The following CD2AP variants were observed in gnomAD, a reference collection of about 807,000 sequenced individuals.
CD2AP encodes the protein CD2-associated protein.
CD2AP carries 46 observed loss-of-function variants against 85.1 expected under a neutral mutation model. The ratio of observed to expected loss-of-function variants is 0.54; its 90% confidence interval spans 0.43 to 0.69. The LOEUF is 0.69. Among genes scored for constraint, CD2AP ranks in the 30% least tolerant of loss-of-function variants. The pLI is 0.00. For synonymous variants in CD2AP, 255 were observed against 252.9 expected, an observed-to-expected ratio of 1.01 and a Z score of -0.08; for missense variants, 769 against 729.5, an observed-to-expected ratio of 1.05 and a Z score of -0.62.
chr6:47,495,465 A>T (rs1379398164), intron 1 of CD2AP, among the ~76,000 whole-genome samples: 1 of 152,204 alleles, frequency 6.6e-6, no homozygotes, highest in Non-Finnish European at 1.5e-5. Flanking sequence ...TCGCCTCCCG[A>T]AAGAGGAGAA....
chr6:47,566,323 T>TATATATATATATATACAC lies in CD2AP; in HGVS notation c.542-7740_542-7739insTATATATATATATACACA. 2.8e-5 allele frequency among the ~76,000 whole-genome samples: 3 copies of TATATATATATATATACAC among 108,458 alleles called. No individual in the cohort carries two copies. The South Asian group carries it at 1.0e-3, about 38-fold the overall frequency. The allele number at this position is 108,458 out of a possible 152,430, so 71.2% of individuals were successfully genotyped here. A position where few individuals can be genotyped will look rare whatever the true frequency, so the allele number is the denominator to read the frequency against. On this transcript the variant is annotated intron_variant, in intron 5 of 17. Coordinates refer to ENST00000359314, the MANE Select transcript of CD2AP (RefSeq NM_012120.3). ...TAGAATATATATATATATATATATA[T>TATATATATATATATACAC]ACACATACACATATATATATATGTA...
At chr6:47,506,947 T>G (rs919279447) in intron 2 of CD2AP, among the ~76,000 whole-genome samples, 1 of 152,232 alleles carries the variant, frequency 6.6e-6, no homozygotes, top group African/African-American at 2.4e-5. Flanking sequence ...TGTGAGCTGT[T>G]TGATAGCATT....
At chr6:47,479,280 C>T (rs1177491540) in intron 1 of CD2AP, among the ~76,000 whole-genome samples, 3 of 152,192 alleles carry the variant, frequency 2.0e-5, no homozygotes, top group Admixed American at 6.5e-5. Flanking sequence ...AACAAACGAT[C>T]ACCGAAATGA....
chr6:47,555,207 A>G (rs1767647549), intron 5 of CD2AP, among the ~76,000 whole-genome samples: 1 of 152,150 alleles, frequency 6.6e-6, no homozygotes, highest in South Asian at 2.1e-4. Context: ...TCATTTAGTT[A>G]TTTTGTGATG....
intron 8 of CD2AP, among the ~76,000 whole-genome samples, chr6:47,578,289 C>G (rs1306845430): frequency 6.6e-6 from 1 of 151,490 alleles, no homozygotes; most frequent in Non-Finnish European, 1.5e-5. Context: ...CAGCCTTGAG[C>G]TCATGGGCAC....
At chr6:47,581,022 G>T in intron 10 of CD2AP, 122 bp downstream of exon 10, 2 of 731,814 alleles carry the variant, frequency 2.7e-6, no homozygotes, top group South Asian at 1.7e-5. Context: ...AACATTTTTA[G>T]AAATATATGA....
intron 14 of CD2AP, among the ~76,000 whole-genome samples, chr6:47,606,517 C>G (rs1275078532): frequency 2.6e-5 from 4 of 151,934 alleles, no homozygotes; most frequent in Admixed American, 6.6e-5. Flanking sequence ...CCACAGAGCA[C>G]AGGGTCAAAG....
chr6:47,478,304 C>G, intron 1 of CD2AP, 56 bp downstream of exon 1: 3 of 1,558,012 alleles, frequency 1.9e-6, no homozygotes, highest in Non-Finnish European at 2.6e-6. Context: ...CCCGGGGAGG[C>G]TGTGCCCTTT....
chr6:47,502,986 C>G (rs1766036749), intron 1 of CD2AP, among the ~76,000 whole-genome samples: 1 of 152,188 alleles, frequency 6.6e-6, no homozygotes, highest in Non-Finnish European at 1.5e-5. Context: ...ACCTCAGAGT[C>G]TGTCTGCTAC....
chr6:47,566,320 A>ATG lies in CD2AP; in HGVS notation c.542-7743_542-7742insGT, dbSNP rs1349903150. Among the ~76,000 whole-genome samples the ATG allele has an allele frequency of 1.3e-3, 172 of 130,704 alleles. 1 individual carries two copies. Among genetic ancestry groups the ATG allele is most frequent in the African/African-American group, 4.3e-3 (166 of 38,868 alleles). 85.7% of individuals were successfully genotyped at this position (130,704 alleles called of 152,430 possible). A position where few individuals can be genotyped will look rare whatever the true frequency, so the allele number is the denominator to read the frequency against. Reference sequence around the variant, plus strand: ...CATTAGAATATATATATATATATATATATACACATACACATATATATATAT... The same window carrying ATG: ...CATTAGAATATATATATATATATATATGTATACACATACACATATATATATAT... On this transcript the variant is annotated intron_variant, in intron 5 of 17. Transcript: ENST00000359314.
intron 5 of CD2AP, among the ~76,000 whole-genome samples, chr6:47,571,995 G>A (rs1768169201): frequency 6.6e-6 from 1 of 152,178 alleles, no homozygotes; most frequent in African/African-American, 2.4e-5. Context: ...CTGGATAATT[G>A]TTTGTTTTCA....
intron 2 of CD2AP, among the ~76,000 whole-genome samples, chr6:47,528,336 G>A (rs1766783611): frequency 6.6e-6 from 1 of 152,032 alleles, no homozygotes; most frequent in African/African-American, 2.4e-5. Flanking sequence ...CACTACGCCT[G>A]GCTAATTTTT....
At chr6:47,503,781 C>T (rs577316666) in intron 2 of CD2AP, among the ~76,000 whole-genome samples, 232 of 152,260 alleles carry the variant, frequency 1.5e-3, no homozygotes, top group African/African-American at 5.4e-3. Context: ...TTTGAGCCTA[C>T]AGTATACTTG....
At chr6:47,568,839 A>G (rs955993461) in intron 5 of CD2AP, among the ~76,000 whole-genome samples, 2 of 152,206 alleles carry the variant, frequency 1.3e-5, no homozygotes, top group Non-Finnish European at 2.9e-5. Flanking sequence ...CTGGGATGGA[A>G]TCCTGTGTAG....
intron 2 of CD2AP, among the ~76,000 whole-genome samples, chr6:47,511,882 C>T (rs13211285): frequency 0.31 from 40,754 of 130,424 alleles, 5,628 homozygotes; most frequent in African/African-American, 0.35. Flanking sequence ...AAAAAATTGG[C>T]CGGGGGTGGC....
intron 2 of CD2AP, among the ~76,000 whole-genome samples, chr6:47,522,425 AC>A (rs1766621250): frequency 6.6e-6 from 1 of 152,188 alleles, no homozygotes; most frequent in Admixed American, 6.5e-5. Context: ...ACAACCTGTT[AC>A]TGTTATAATG....
intron 5 of CD2AP, among the ~76,000 whole-genome samples, chr6:47,555,498 G>T (rs575155906): frequency 6.6e-6 from 1 of 152,240 alleles, no homozygotes; most frequent in Admixed American, 6.5e-5. Flanking sequence ...TGATTAGTTG[G>T]ATTTATAGGT....
intron 17 of CD2AP, 46 bp downstream of exon 17, chr6:47,612,582 G>A (rs1457152764): frequency 3.6e-6 from 5 of 1,385,970 alleles, no homozygotes; most frequent in South Asian, 2.4e-5. Context: ...GCATAAACTG[G>A]ACATGTTTTT....
rs565715053 is a variant in CD2AP, at chr6:47,542,888, C to T, written c.320-1718C>T. ...ATTTGTGGCTGGGCATGGTAGCTCACGCCTGTAATCCTAGCACTTTGGGAG... is the reference window on the plus strand; with the variant it reads ...ATTTGTGGCTGGGCATGGTAGCTCATGCCTGTAATCCTAGCACTTTGGGAG... On this transcript the variant is annotated intron_variant, in intron 3 of 17. Transcript: ENST00000359314. Among the ~76,000 whole-genome samples the T allele has an allele frequency of 7.2e-5, 11 of 152,024 alleles. No homozygotes were observed. The East Asian group carries it at 1.7e-3, about 24-fold the overall frequency.
Sources: gnomAD v4.1 joint callset for allele counts (sites outside exome capture counted in the v4.1 genomes callset) on GRCh38, gnomAD v4.1.1 for gene constraint, MANE v1.5 for transcripts, NCBI Gene and HGNC (gene_info 2026-07-23, HGNC 2026-07-21) for gene names.